FNBP1: variants seen among roughly 807,000 people sequenced by gnomAD.
FNBP1 encodes the protein formin-binding protein 1.
A neutral mutation model predicts 90.6 loss-of-function variants in FNBP1; 26 were observed. The ratio of observed to expected loss-of-function variants is 0.29; its 90% confidence interval spans 0.21 to 0.40. FNBP1 has a LOEUF of 0.40. Among genes scored for constraint, FNBP1 ranks in the 10% least tolerant of loss-of-function variants. FNBP1 has a pLI of 1.00. For synonymous variants in FNBP1, 260 were observed against 265.2 expected (o/e 0.98, Z 0.19); for missense variants, 635 against 768.0 (o/e 0.83, Z 2.05).
chr9:130,038,021 A>T (rs2059478326), intron 1 of FNBP1, among the ~76,000 whole-genome samples: 1 of 152,272 alleles, frequency 6.6e-6, no homozygotes, highest in South Asian at 2.1e-4. Context: ...AATGTATATT[A>T]TATGCCTGGC....
chr9:129,993,238 A>AT lies in FNBP1; in HGVS notation c.140+1604_140+1605insA, dbSNP rs1334461806. On this transcript the variant is annotated intron_variant, in intron 2 of 16. Coordinates refer to ENST00000446176, the MANE Select transcript of FNBP1 (RefSeq NM_015033.3). ...TGAGACTGTCTCAAAAAAAAAAAAA[A>AT]AATTAAAGAAAAAGGAAAGTAAATG... Among the ~76,000 whole-genome samples the AT allele has an allele frequency of 4.0e-4, 60 of 151,226 alleles. No homozygotes were observed. The Middle Eastern group carries it at 0.014, about 34-fold the overall frequency.
intron 2 of FNBP1, among the ~76,000 whole-genome samples, chr9:129,994,138 G>C (rs1014532348): frequency 3.3e-5 from 5 of 152,106 alleles, no homozygotes; most frequent in Non-Finnish European, 7.4e-5. Flanking sequence ...TCGTTGGAGC[G>C]CTACTCATTA....
At chr9:129,920,051 C>A (rs1411449543) in intron 10 of FNBP1, among the ~76,000 whole-genome samples, 1 of 152,182 alleles carries the variant, frequency 6.6e-6, no homozygotes, top group African/African-American at 2.4e-5. Context: ...ACCCTAAGAA[C>A]AGAATGACCA....
rs917705758 is a variant in FNBP1, at chr9:129,966,997, G to A, written c.346-8444C>T. 8.5e-5 allele frequency among the ~76,000 whole-genome samples: 13 copies of A among 152,210 alleles called. No homozygotes were observed. Among genetic ancestry groups the A allele is most frequent in the African/African-American group, 2.9e-4 (12 of 41,456 alleles). On this transcript the variant is annotated intron_variant, in intron 4 of 16. Transcript: ENST00000446176. This position sits in a 1 kb window ranked among gnomAD's most constrained non-coding sequence, Gnocchi z 4.3. The stretch of plus-strand genomic sequence containing the variant: ...AATGAGGCACAGGACTGGGGTAGAT[G>A]TGGAAGAGGGGTGAGAAGTGCTTGG...
rs747532488 is a variant in FNBP1 at position 129,921,378 on chromosome 9, C to T, written c.1170+2466G>A. Among the ~76,000 whole-genome samples the T allele has an allele frequency of 5.3e-5, 8 of 150,676 alleles. No homozygotes were observed. In the South Asian group the frequency reaches 1.7e-3, roughly 32 times the overall value. ...TACAGGCACATGCCACCATGCCTGG[C>T]TATTTTTTCATGGGTTTTTTTTTTT... On this transcript the variant is annotated intron_variant, in intron 10 of 16. Transcript: ENST00000446176.
intron 2 of FNBP1, among the ~76,000 whole-genome samples, chr9:129,979,677 T>C (rs1279853443): frequency 6.6e-6 from 1 of 152,128 alleles, no homozygotes; most frequent in Non-Finnish European, 1.5e-5. Context: ...TCTCATTCTG[T>C]TGCCCAGGCT....
At chr9:129,909,020 G>A (rs768852954) in intron 11 of FNBP1, 21 bp from the exon 12 acceptor site, 30 of 1,551,502 alleles carry the variant, frequency 1.9e-5, no homozygotes, top group Non-Finnish European at 2.5e-5. Flanking sequence ...AAATATAAAT[G>A]AGAAACCAGA....
At chr9:129,931,771 C>T (rs2042782070) in intron 6 of FNBP1, among the ~76,000 whole-genome samples, 1 of 151,780 alleles carries the variant, frequency 6.6e-6, no homozygotes, top group African/African-American at 2.4e-5. Flanking sequence ...GCACTCCAGC[C>T]TGGGTAACAG....
At chr9:130,004,501 C>T (rs2055365188) in intron 1 of FNBP1, among the ~76,000 whole-genome samples, 1 of 152,130 alleles carries the variant, frequency 6.6e-6, no homozygotes, top group Non-Finnish European at 1.5e-5. Flanking sequence ...ATCTAGACTG[C>T]TATTTCTGTA....
chr9:129,921,199 T>C (rs1217276073), intron 10 of FNBP1, among the ~76,000 whole-genome samples: 1 of 152,198 alleles, frequency 6.6e-6, no homozygotes, highest in Non-Finnish European at 1.5e-5. Context: ...TGAGGAAATA[T>C]TGTTTTGTCC....
At chr9:130,039,998 G>C (rs563859198) in intron 1 of FNBP1, among the ~76,000 whole-genome samples, 1 of 152,186 alleles carries the variant, frequency 6.6e-6, no homozygotes, top group East Asian at 1.9e-4. Context: ...AGTTTGGCTT[G>C]AGCGCCCCAT....
intron 1 of FNBP1, among the ~76,000 whole-genome samples, chr9:130,036,401 C>T (rs576429424): frequency 6.6e-6 from 1 of 152,294 alleles, no homozygotes; most frequent in Admixed American, 6.5e-5. Flanking sequence ...AGTATAGACA[C>T]TTATAAAACT....
rs115937534 is a variant in FNBP1, at chr9:130,037,388, C to A, written c.24+5564G>T. On this transcript the variant is annotated intron_variant, in intron 1 of 16. Coordinates refer to ENST00000446176, the MANE Select transcript of FNBP1 (RefSeq NM_015033.3). ...AAAAGAAAAAAGAGCAGTAGAAGAG[C>A]TAGGGACGATTGTTAATAGGGTTCT... 5.1e-3 allele frequency among the ~76,000 whole-genome samples: 778 copies of A among 152,102 alleles called. 7 individuals are homozygous for A. Among genetic ancestry groups the A allele is most frequent in the African/African-American group, 0.018 (745 of 41,500 alleles).
intron 2 of FNBP1, among the ~76,000 whole-genome samples, chr9:129,984,549 C>T (rs979975198): frequency 5.9e-5 from 9 of 152,096 alleles, no homozygotes; most frequent in African/African-American, 1.9e-4. Flanking sequence ...CCGGGGCTCA[C>T]CCCCCGGAGG....
rs1298262540 is a variant in FNBP1 at position 129,900,925 on chromosome 9, A to G, written c.1429-378T>C. On this transcript the variant is annotated intron_variant, in intron 13 of 16. Coordinates refer to ENST00000446176, the MANE Select transcript of FNBP1 (RefSeq NM_015033.3). This position sits in a 1 kb window ranked among gnomAD's most constrained non-coding sequence, Gnocchi z 4.1. ...AGTCACTTCTAGTTCCTTCTTGACC[A>G]TGAGGTCGCCCTGTGATACCTGAAG... 6.6e-6 allele frequency among the ~76,000 whole-genome samples: 1 copy of G among 152,218 alleles called. No homozygotes were observed. Among genetic ancestry groups the G allele is most frequent in the Non-Finnish European group, 1.5e-5 (1 of 68,040 alleles).
chr9:129,994,771 G>A (rs2131309169), intron 2 of FNBP1, 72 bp downstream of exon 2: 1 of 695,320 alleles, frequency 1.4e-6, no homozygotes, highest in East Asian at 2.8e-5. Flanking sequence ...CATTTATACT[G>A]TAAAATGAGA....
At chr9:129,989,623 T>C (rs754803788) in intron 2 of FNBP1, among the ~76,000 whole-genome samples, 14 of 152,194 alleles carry the variant, frequency 9.2e-5, no homozygotes, top group Non-Finnish European at 1.2e-4. Context: ...GTAAATATAA[T>C]ACCCAGATTT....
intron 2 of FNBP1, among the ~76,000 whole-genome samples, chr9:129,991,642 T>C (rs1412948972): frequency 1.3e-5 from 2 of 150,404 alleles, no homozygotes; most frequent in East Asian, 2.0e-4. Context: ...TCATTTCAGA[T>C]GGTTTTTAGA....
intron 2 of FNBP1, among the ~76,000 whole-genome samples, chr9:129,980,242 C>A (rs1159749335): frequency 6.6e-6 from 1 of 151,718 alleles, no homozygotes; most frequent in East Asian, 2.0e-4. Context: ...TGCCTGTAAT[C>A]CCAGCTACTC....
Sources: allele counts gnomAD v4.1 joint callset (sites outside exome capture counted in the v4.1 genomes callset), GRCh38; gene constraint gnomAD v4.1.1; non-coding constraint Gnocchi (gnomAD v3.1); transcripts MANE v1.5; gene names NCBI Gene and HGNC (gene_info 2026-07-23, HGNC 2026-07-21).